MAGI1: variants seen among roughly 807,000 people sequenced by gnomAD.
MAGI1 encodes membrane associated guanylate kinase, WW and PDZ domain containing 1, also known as membrane-associated guanylate kinase, WW and PDZ domain-containing protein 1.
MAGI1 carries 58 observed loss-of-function variants against 139.9 expected under a neutral mutation model. That is an observed-to-expected ratio of 0.41 (90% CI 0.34 to 0.52). The LOEUF (loss-of-function observed/expected upper bound fraction) is 0.52. MAGI1 is among the 20% of genes least tolerant of loss of function. The probability of loss-of-function intolerance (pLI) is 0.12; values close to 1 mark genes in which losing one functional copy is unlikely to be tolerated. For synonymous variants in MAGI1, 812 were observed against 737.9 expected (o/e 1.10, Z -1.63); for missense variants, 1,874 against 1,901.6 (o/e 0.99, Z 0.27).
At chr3:65,898,513 A>G (rs2061078034) in intron 1 of MAGI1, among the ~76,000 whole-genome samples, 19 of 152,240 alleles carry the variant, frequency 1.2e-4, no homozygotes. Context: ...AAACAAAACA[A>G]AAGAACCCTG....
Position 65,530,772 on chromosome 3 carries a change from TAC to T in MAGI1, c.431-37143_431-37142del, listed in dbSNP as rs1184883551. 2.9e-3 allele frequency among the ~76,000 whole-genome samples: 78 copies of T among 26,724 alleles called. 10 individuals carry two copies. The highest frequency in any genetic ancestry group is 0.028 in the African/African-American group (77 of 2,718). 17.5% of individuals were successfully genotyped at this position (26,724 alleles called of 152,430 possible). A position where few individuals can be genotyped will look rare whatever the true frequency, so the allele number is the denominator to read the frequency against. On this transcript the variant is annotated intron_variant, in intron 2 of 22. Coordinates refer to ENST00000402939, the MANE Select transcript of MAGI1 (RefSeq NM_001033057.2). ...ATATATACACGTATATATATATATA[TAC>T]ACACATATATATACACGTATATATA... is the stretch of plus-strand genomic sequence containing the variant.
intron 1 of MAGI1, among the ~76,000 whole-genome samples, chr3:65,794,825 C>A (rs1466028844): frequency 8.1e-5 from 11 of 136,516 alleles, no homozygotes; most frequent in Non-Finnish European, 1.2e-4. Context: ...CAAAACACAA[C>A]AAAACAAACC....
chr3:65,849,825 T>A (rs1308495745), intron 1 of MAGI1, among the ~76,000 whole-genome samples: 4 of 152,186 alleles, frequency 2.6e-5, no homozygotes, highest in African/African-American at 9.7e-5. Context: ...CTCCTTCCTT[T>A]TTCCAGGTTC....
At chr3:65,855,315 C>T (rs943640478) in intron 1 of MAGI1, among the ~76,000 whole-genome samples, 7 of 151,892 alleles carry the variant, frequency 4.6e-5, no homozygotes, top group African/African-American at 1.4e-4. Context: ...TGCGATGGCT[C>T]ACACCTGTAA....
intron 2 of MAGI1, among the ~76,000 whole-genome samples, chr3:65,557,996 C>T (rs1157051748): frequency 6.6e-6 from 1 of 152,246 alleles, no homozygotes; most frequent in East Asian, 1.9e-4. Context: ...GCCTTCTACC[C>T]ACGAGTCAAT....
intron 2 of MAGI1, among the ~76,000 whole-genome samples, chr3:65,590,112 C>T (rs2081901236): frequency 6.6e-6 from 1 of 152,148 alleles, no homozygotes; most frequent in African/African-American, 2.4e-5. Context: ...AAACGCATCA[C>T]CAGTGTCTCC....
intron 1 of MAGI1, among the ~76,000 whole-genome samples, chr3:65,727,597 G>T (rs1023206659): frequency 6.6e-6 from 1 of 152,142 alleles, no homozygotes; most frequent in Non-Finnish European, 1.5e-5. Flanking sequence ...AATGTAACCT[G>T]GGAGATGTGA....
In MAGI1 at chr3:65,736,406, A is replaced by T. The variant is rs551370122; in HGVS notation, c.314-114318T>A. 6.6e-5 allele frequency among the ~76,000 whole-genome samples: 10 copies of T among 152,302 alleles called. No homozygotes were observed. In the South Asian group the frequency reaches 1.9e-3, roughly 28 times the overall value. ...CATATATATACAGATATATAAGAAG[A>T]AGTTTATTTATAGGAATTGGCTCAC... On this transcript the variant is annotated intron_variant, in intron 1 of 22. Coordinates refer to ENST00000402939, the MANE Select transcript of MAGI1 (RefSeq NM_001033057.2).
At chr3:65,727,487 C>G (rs1486201304) in intron 1 of MAGI1, among the ~76,000 whole-genome samples, 1 of 152,190 alleles carries the variant, frequency 6.6e-6, no homozygotes, top group African/African-American at 2.4e-5. Flanking sequence ...GCCTCAGCCT[C>G]CTGAGTAGTT....
chr3:65,486,216 C>T (rs1036777522), intron 3 of MAGI1, among the ~76,000 whole-genome samples: 1 of 152,180 alleles, frequency 6.6e-6, no homozygotes, highest in Non-Finnish European at 1.5e-5. Flanking sequence ...TGCTGACATC[C>T]TCTTCCTAAT....
intron 16 of MAGI1, 27 bp downstream of exon 16, chr3:65,381,850 G>C (rs748737552): frequency 1.3e-5 from 21 of 1,583,834 alleles, no homozygotes; most frequent in Admixed American, 1.7e-5. Flanking sequence ...ACAACGCACT[G>C]TCTGAAGGAA....
At chr3:65,704,389 T>C (rs1379893877) in intron 1 of MAGI1, among the ~76,000 whole-genome samples, 2 of 152,186 alleles carry the variant, frequency 1.3e-5, no homozygotes, top group African/African-American at 2.4e-5. Context: ...AGGGAGCATC[T>C]ACCCTTTCCA....
At chr3:65,486,539 A>G (rs1388361313) in intron 3 of MAGI1, among the ~76,000 whole-genome samples, 1 of 152,256 alleles carries the variant, frequency 6.6e-6, no homozygotes, top group Non-Finnish European at 1.5e-5. Flanking sequence ...TTTAAGCACC[A>G]TATCAAATAA....
chr3:65,861,519 A>G (rs758978261), intron 1 of MAGI1, among the ~76,000 whole-genome samples: 7 of 152,158 alleles, frequency 4.6e-5, no homozygotes, highest in Non-Finnish European at 8.8e-5. Context: ...AACCACTGAA[A>G]CTGGGTATGT....
chr3:65,736,527 G>A (rs1559834095), intron 1 of MAGI1, among the ~76,000 whole-genome samples: 1 of 152,114 alleles, frequency 6.6e-6, no homozygotes, highest in Admixed American at 6.5e-5. Context: ...AATCCATGAT[G>A]GTATAAACTC....
intron 2 of MAGI1, among the ~76,000 whole-genome samples, chr3:65,557,723 C>A (rs906649386): frequency 6.6e-6 from 1 of 152,154 alleles, no homozygotes; most frequent in Non-Finnish European, 1.5e-5. Flanking sequence ...CCTAATCTTA[C>A]CACAGTATTT....
intron 1 of MAGI1, among the ~76,000 whole-genome samples, chr3:65,935,465 T>A (rs1284210155): frequency 6.6e-6 from 1 of 151,968 alleles, no homozygotes; most frequent in Admixed American, 6.6e-5. Flanking sequence ...CCAAAAAAAA[T>A]GTTTTAATTA....
chr3:65,951,005 AAGG>A (rs2063819416), intron 1 of MAGI1, among the ~76,000 whole-genome samples: 1 of 129,034 alleles, frequency 7.7e-6, no homozygotes, highest in Non-Finnish European at 1.7e-5. Context: ...GGAAGGAAGG[AAGG>A]AAGGAAGGAA....
At chr3:66,009,895 G>A (rs920447194) in intron 1 of MAGI1, among the ~76,000 whole-genome samples, 2 of 151,744 alleles carry the variant, frequency 1.3e-5, no homozygotes, top group Non-Finnish European at 2.9e-5. Flanking sequence ...GGTTAACATG[G>A]TGAAACCCTG....
Sources: gnomAD v4.1 joint callset for allele counts (sites outside exome capture counted in the v4.1 genomes callset) on GRCh38, gnomAD v4.1.1 for gene constraint, MANE v1.5 for transcripts, NCBI Gene and HGNC (gene_info 2026-07-23, HGNC 2026-07-21) for gene names.